The following SPTBN5 variants were observed in gnomAD, a reference collection of about 807,000 sequenced individuals.
SPTBN5 encodes spectrin beta chain, non-erythrocytic 5.
A neutral mutation model predicts 477.6 loss-of-function variants in SPTBN5; 513 were observed. The ratio of observed to expected loss-of-function variants is 1.07; its 90% CI spans 1.00 to 1.16. The LOEUF is 1.16. Ranked by LOEUF, SPTBN5 falls within the 50% of genes most tolerant of loss-of-function variation. The pLI is 0.00. For missense variants in SPTBN5, 5,062 were observed against 4,731.8 expected, an observed-to-expected ratio of 1.07 and a Z score of -2.05; for synonymous variants, 2,169 against 2,011.7, an observed-to-expected ratio of 1.08 and a Z score of -2.09.
At chr15:41,862,474 G>A in intron 43 of SPTBN5, 65 bp downstream of exon 43, 1 of 1,552,406 alleles carries the variant, frequency 6.4e-7, no homozygotes, top group East Asian at 2.3e-5. Context: ...CAGGGGCTGA[G>A]GGGAGGTGTG....
At position 41,870,036 on chromosome 15, in the gene SPTBN5, G is replaced by C. The variant is rs769998018; in HGVS notation, c.5674-16C>G. 9 of 1,468,886 alleles carry C rather than the reference G, an allele frequency of 6.1e-6. No homozygotes were observed. In the African/African-American group the frequency reaches 1.1e-4, roughly 19 times the overall value. The allele number at this position is 1,468,886 out of a possible 1,614,324, so 91.0% of individuals were successfully genotyped here. On this transcript the variant is annotated splice_polypyrimidine_tract_variant and intron_variant, in intron 31 of 67. Transcript: ENST00000320955. ...GTTCCTGCAGCTGCGGGAGGGGCAG[G>C]GAATAGGGAGGCAAGGGTCATGTCC...
intron 53 of SPTBN5, 139 bp downstream of exon 53, chr15:41,856,247 A>C (rs2065925982): frequency 1.3e-6 from 1 of 780,668 alleles, no homozygotes; most frequent in Admixed American, 3.6e-5. Context: ...AACATGTGGA[A>C]GGAAGCCCTT....
Position 41,872,015 on chromosome 15 carries a change from T to C in SPTBN5, c.5166-98A>G, listed in dbSNP as rs2066558612. On this transcript the variant is annotated intron_variant, in intron 27 of 67. Transcript: ENST00000320955. ...GGGCCAATCTGAAAACTGGGGTTAC[T>C]CATGGTCTCTGTCCAAGCCTGCGGC... 5 of 1,398,920 alleles carry C rather than the reference T, an allele frequency of 3.6e-6. No individual in the cohort carries two copies. The Admixed American group carries it at 1.4e-4, about 39-fold the overall frequency. 86.7% of individuals were successfully genotyped at this position (1,398,920 alleles called of 1,614,324 possible).
In SPTBN5 at chr15:41,855,312, C is replaced by T. The variant is rs199928951; in HGVS notation, c.9335G>A (p.Arg3112Gln). The T allele has an allele frequency of 1.7e-4, 274 of 1,610,590 alleles. 1 individual carries two copies. The Admixed American group carries it at 2.4e-3, about 14-fold the overall frequency. Reference sequence around the variant, plus strand: ...CCAGGCGTCGAGGAGCAGGGTCTCTCGCTCCAGCTGGTGTAGCTGCAGCTG... The same window carrying T: ...CCAGGCGTCGAGGAGCAGGGTCTCTTGCTCCAGCTGGTGTAGCTGCAGCTG... ...QEQLQLHQLE[R>Q]ETLLLDAWLT... The change falls in exon 55 of 68, where the codon CGA becomes CAA. Residue 3112 changes from arginine (R) to glutamine (Q), a missense_variant. Coordinates refer to ENST00000320955, the MANE Select transcript of SPTBN5 (RefSeq NM_016642.4).
rs201880049 is a variant in SPTBN5 at position 41,855,396 on chromosome 15, C to A, written c.9251G>T (p.Arg3084Leu). The A allele has an allele frequency of 1.2e-6, 2 of 1,604,178 alleles. No homozygotes were observed. The highest frequency in any genetic ancestry group is 8.5e-7 in the Non-Finnish European group (1 of 1,178,902). The change falls in exon 55 of 68, where the codon CGG becomes CTG. Residue 3084 changes from arginine to leucine, a missense_variant. Arg to Leu is a moderately radical substitution (Grantham distance 102). Coordinates refer to ENST00000320955, the MANE Select transcript of SPTBN5 (RefSeq NM_016642.4). ...PKVLAQLQAV[R>L]EAHAELLRRA... ...CCGCAGCAGCTCTGCGTGGGCCTCC[C>A]GAACTGCCTGCAGCTGGGCTAGCAC... is the stretch of plus-strand genomic sequence containing the variant.
intron 52 of SPTBN5, 28 bp downstream of exon 52, chr15:41,856,825 G>A: frequency 6.5e-7 from 1 of 1,530,008 alleles, no homozygotes; most frequent in South Asian, 1.2e-5. Flanking sequence ...TCATGTGCGA[G>A]GCCAGCCCTC....
In SPTBN5 at chr15:41,876,822, G is replaced by A. The variant is rs1595492186; in HGVS notation, c.3838C>T (p.Pro1280Ser). 1 of 1,597,224 alleles carries A rather than the reference G, an allele frequency of 6.3e-7. No individual in the cohort carries two copies. Among genetic ancestry groups the A allele is most frequent in the African/African-American group, 1.3e-5 (1 of 74,874 alleles). Residue 1280 changes from proline to serine, a missense_variant, in exon 19 of 68, where the codon CCA (proline) becomes TCA (serine). Coordinates refer to ENST00000320955, the MANE Select transcript of SPTBN5 (RefSeq NM_016642.4). ...HGEKLVQSQH[P>S]AAHTVREQLQ... Reference sequence around the variant, plus strand: ...GGCCAGGCTCACGTGTGTGCAGCTGGGTGCTGGCTCTGAACCAGCTTCTCG... The same window carrying A: ...GGCCAGGCTCACGTGTGTGCAGCTGAGTGCTGGCTCTGAACCAGCTTCTCG...
At chr15:41,849,457 A>C (rs972903098) in intron 67 of SPTBN5, among the ~76,000 whole-genome samples, 1 of 152,126 alleles carries the variant, frequency 6.6e-6, no homozygotes, top group East Asian at 1.9e-4. Flanking sequence ...CGTCCTGCCA[A>C]TGTGCTGTGC....
chr15:41,852,936 C>T lies in SPTBN5; in HGVS notation c.10235G>A (p.Arg3412His), dbSNP rs540346671. ...CCAGCTCTCGGCACAGCGTTGCCAG[C>T]GCAGGGCCCAAGCCTCCTCCAGCTC... ...LQELEEAWAL[R>H]WQRCAESWGL... The change falls in exon 60 of 68, where the codon CGC becomes CAC. Residue 3412 changes from arginine to histidine, a missense_variant. Coordinates refer to ENST00000320955, the MANE Select transcript of SPTBN5 (RefSeq NM_016642.4). 1.1e-5 allele frequency: 17 copies of T among 1,582,582 alleles called. No homozygotes were observed. The highest frequency in any genetic ancestry group is 8.1e-5 in the African/African-American group (6 of 74,124).
At chr15:41,878,671 G>A (rs1188047790) in intron 16 of SPTBN5, 42 bp from the exon 17 acceptor site, 45 of 1,571,746 alleles carry the variant, frequency 2.9e-5, no homozygotes, top group Non-Finnish European at 3.7e-5. Context: ...CCCTGTCCTG[G>A]GCCTGGTGCC....
In SPTBN5 at chr15:41,880,391, C is replaced by G. The variant is rs1013200374; in HGVS notation, c.2659-79G>C. On this transcript the variant is annotated intron_variant, in intron 13 of 67. Transcript: ENST00000320955. The stretch of plus-strand genomic sequence containing the variant: ...CTCAGAGCGGGTCAAAGGGGTGCTC[C>G]TCCCCATCCCAGCCCACCAGCAGAG... 11 of 1,427,390 alleles carry G rather than the reference C, an allele frequency of 7.7e-6. No individual in the cohort carries two copies. The African/African-American group carries it at 1.6e-4, about 20-fold the overall frequency. 88.4% of individuals were successfully genotyped at this position (1,427,390 alleles called of 1,614,324 possible).
At chr15:41,883,906 T>G (rs2067063991) in intron 7 of SPTBN5, among the ~76,000 whole-genome samples, 1 of 152,226 alleles carries the variant, frequency 6.6e-6, no homozygotes. Flanking sequence ...CTTTCCTGCC[T>G]CAGCCACCTG....
At position 41,854,962 on chromosome 15, in the gene SPTBN5, C is replaced by A; in HGVS notation, c.9438G>T (p.Lys3146Asn). ...GCACTTCCTTTCTGAAAGCATCAAACTTCTCTTCCAGCACCTGCAAAGGTA... is the reference window on the plus strand; with the variant it reads ...GCACTTCCTTTCTGAAAGCATCAAAATTCTCTTCCAGCACCTGCAAAGGTA... The part of the protein sequence containing the change: ...DLEGVKVLEE[K>N]FDAFRKEVQS... The change falls in exon 56 of 68, where the codon AAG becomes AAT. Residue 3146 changes from lysine (K) to asparagine (N), a missense_variant. By Grantham distance (94) the Lys-to-Asn change is moderately conservative. Transcript: ENST00000320955. 1 of 1,547,990 alleles carries A rather than the reference C, an allele frequency of 6.5e-7. No individual in the cohort carries two copies. Among genetic ancestry groups the A allele is most frequent in the South Asian group, 1.2e-5 (1 of 81,602 alleles).
rs1397863932 is a variant in SPTBN5 at position 41,852,992 on chromosome 15, C to G, written c.10179G>C (p.Glu3393Asp). 1 of 1,537,566 alleles carries G rather than the reference C, an allele frequency of 6.5e-7. No homozygotes were observed. The highest frequency in any genetic ancestry group is 1.2e-5 in the South Asian group (1 of 81,724). Residue 3393 changes from glutamate to aspartate, a missense_variant, in exon 60 of 68, where the codon GAG becomes GAC. Glu to Asp is a conservative substitution (Grantham distance 45). Coordinates refer to ENST00000320955, the MANE Select transcript of SPTBN5 (RefSeq NM_016642.4). Reference protein sequence around the residue: ...NSHFMSAEVTECLQELEGRLQ... With the variant: ...NSHFMSAEVTDCLQELEGRLQ... ...GCCGCCCTTCCAGCTCCTGCAGGCA[C>G]TCTGTCACCTGGTGGGGAGGGGCTG...
At chr15:41,858,123 C>G (rs1167877025) in intron 49 of SPTBN5, among the ~76,000 whole-genome samples, 5 of 152,150 alleles carry the variant, frequency 3.3e-5, no homozygotes, top group Non-Finnish European at 7.3e-5. Flanking sequence ...ATGGCAAAAC[C>G]CCATCTCTAC....
Position 41,874,037 on chromosome 15 carries a change from CTGGAGCTCCTGCCACAGAGTGGCT to C in SPTBN5, c.4690-16_4697del. Reference sequence around the variant, plus strand: ...GCCCCTGGTGAGCTTTTACCTCCACCTGGAGCTCCTGCCACAGAGTGGCTTGAGAGGCTGCTGCTCTTAACCCAG... The same window carrying C: ...GCCCCTGGTGAGCTTTTACCTCCACCTGAGAGGCTGCTGCTCTTAACCCAG... On this transcript the variant is annotated splice_acceptor_variant and splice_polypyrimidine_tract_variant and coding_sequence_variant and intron_variant, in exon 25 of 68. Coordinates refer to ENST00000320955, the MANE Select transcript of SPTBN5 (RefSeq NM_016642.4). LOFTEE classifies it high-confidence loss of function. 1 of 1,592,400 alleles carries C rather than the reference CTGGAGCTCCTGCCACAGAGTGGCT, an allele frequency of 6.3e-7. No homozygotes were observed. Among genetic ancestry groups the C allele is most frequent in the Middle Eastern group, 1.7e-4 (1 of 6,020 alleles).
At chr15:41,877,862 G>A (rs2066797649) in intron 17 of SPTBN5, among the ~76,000 whole-genome samples, 1 of 152,244 alleles carries the variant, frequency 6.6e-6, no homozygotes, top group African/African-American at 2.4e-5. Context: ...GGCACAGCCT[G>A]TGGACTGTCC....
At chr15:41,853,068 G>A (rs1173214296) in intron 59 of SPTBN5, 68 bp from the exon 60 acceptor site, 1 of 1,454,328 alleles carries the variant, frequency 6.9e-7, no homozygotes, top group Non-Finnish European at 9.1e-7. Context: ...GGCAGGGCTG[G>A]AGAGCCAAGT....
rs973692967 is a variant in SPTBN5, at chr15:41,869,770, C to G, written c.5853+71G>C. The G allele has an allele frequency of 3.7e-6, 5 of 1,366,100 alleles. No individual in the cohort carries two copies. The South Asian group carries it at 6.9e-5, about 19-fold the overall frequency. 84.6% of individuals were successfully genotyped at this position (1,366,100 alleles called of 1,614,324 possible). On this transcript the variant is annotated intron_variant, in intron 32 of 67. Coordinates refer to ENST00000320955, the MANE Select transcript of SPTBN5 (RefSeq NM_016642.4). ...CCCTCCGGAGCTGGAGGGCCTCATG[C>G]GTGCATGCCCATGCATGGTGCAGCA... is the stretch of plus-strand genomic sequence containing the variant.
Sources: allele counts gnomAD v4.1 joint callset (sites outside exome capture counted in the v4.1 genomes callset), GRCh38; gene constraint gnomAD v4.1.1; transcripts MANE v1.5; gene names NCBI Gene and HGNC (gene_info 2026-07-23, HGNC 2026-07-21).